The following DRC4 variants were observed in gnomAD, a reference collection of about 807,000 sequenced individuals.
DRC4 encodes the protein dynein regulatory complex subunit 4.
the DRC4 span, among the ~76,000 whole-genome samples, chr16:90,023,288 C>G: frequency 5.3e-5 from 8 of 152,198 alleles, no homozygotes; most frequent in Admixed American, 2.6e-4. Flanking sequence ...ATACAGGAAC[C>G]ACTGTTCCCT....
At chr16:90,025,059 C>T in the DRC4 span, among the ~76,000 whole-genome samples, 2 of 150,074 alleles carry the variant, frequency 1.3e-5, no homozygotes, top group Non-Finnish European at 3.0e-5. Context: ...CCCTGTCACC[C>T]AGGCTGGAGT....
At chr16:90,034,559 T>C in the DRC4 span, among the ~76,000 whole-genome samples, 12 of 151,938 alleles carry the variant, frequency 7.9e-5, 1 homozygote, top group Admixed American at 7.2e-4. Context: ...GAGACGGAGG[T>C]TGCGGTGAGC....
chr16:90,020,550 T>G, the DRC4 span, among the ~76,000 whole-genome samples: 1 of 152,240 alleles, frequency 6.6e-6, no homozygotes. Context: ...CTGCACAGCT[T>G]GACACTGAAT....
chr16:90,044,111 C>T, the DRC4 span: 4 of 450,596 alleles, frequency 8.9e-6, no homozygotes, highest in Non-Finnish European at 1.8e-5. Context: ...GAACCTTCCG[C>T]ACCAGAGGGA....
the DRC4 span, chr16:90,019,661 G>A: frequency 8.3e-5 from 37 of 446,646 alleles, no homozygotes; most frequent in African/African-American, 6.8e-4. The surrounding 1 kb of genome is among the most constrained non-coding windows in gnomAD (Gnocchi z 6.1). Context: ...CCCCGCCGCG[G>A]ACACCACCGG....
the DRC4 span, chr16:90,042,411 G>A: frequency 2.6e-5 from 38 of 1,475,546 alleles, no homozygotes; most frequent in African/African-American, 9.7e-5. Flanking sequence ...TCCCCAGGCC[G>A]CTCCCGTTGC....
At chr16:90,036,291 G>A in the DRC4 span, 21 of 1,175,542 alleles carry the variant, frequency 1.8e-5, no homozygotes, top group Admixed American at 9.0e-5. Flanking sequence ...CACAGTGGGC[G>A]TTTTGGGCCC....
At chr16:90,044,535 C>G in the DRC4 span, 1 of 471,258 alleles carries the variant, frequency 2.1e-6, no homozygotes, top group Non-Finnish European at 4.4e-6. Context: ...CCTGCCCCCT[C>G]TTCCTCCAGT....
chr16:90,029,263 G>A, the DRC4 span: 6 of 1,367,048 alleles, frequency 4.4e-6, no homozygotes, highest in Non-Finnish European at 5.9e-6. Flanking sequence ...AGACTCAGAA[G>A]GCTTCTTCAG....
At chr16:90,043,361 G>A in the DRC4 span, 4 of 1,599,752 alleles carry the variant, frequency 2.5e-6, no homozygotes, top group African/African-American at 1.3e-5. Flanking sequence ...CCCCTGGGGG[G>A]CCACAGCCCA....
chr16:90,022,029 G>A, the DRC4 span: 66,130 of 151,938 alleles, frequency 0.44, 15,033 homozygotes, highest in East Asian at 0.79. Context: ...GAAAGTGGCA[G>A]CTGTTTGTTT....
At chr16:90,022,751 G>A in the DRC4 span, 4 of 1,387,380 alleles carry the variant, frequency 2.9e-6, no homozygotes, top group Non-Finnish European at 3.8e-6. Flanking sequence ...GCGGGGCTGG[G>A]GTCCTCGGCA....
At chr16:90,043,612 A>G in the DRC4 span, 1 of 605,640 alleles carries the variant, frequency 1.7e-6, no homozygotes, top group Non-Finnish European at 3.1e-6. Context: ...CTCCGACCAC[A>G]GTCGGCGGCA....
the DRC4 span, chr16:90,043,475 T>G: frequency 1.1e-6 from 1 of 943,920 alleles, no homozygotes; most frequent in African/African-American, 1.7e-5. Flanking sequence ...CACATGTTCT[T>G]GCCATCCTCT....
At chr16:90,040,375 A>G in the DRC4 span, 1 of 1,610,682 alleles carries the variant, frequency 6.2e-7, no homozygotes, top group Non-Finnish European at 8.5e-7. Flanking sequence ...GACAGGGTTC[A>G]AGAACCTCGT....
the DRC4 span, among the ~76,000 whole-genome samples, chr16:90,032,078 A>G: frequency 6.8e-6 from 1 of 147,250 alleles, no homozygotes; most frequent in East Asian, 2.0e-4. Flanking sequence ...TGTGTACGGG[A>G]ATTTACAGGT....
At chr16:90,022,127 G>A in the DRC4 span, 2 of 152,198 alleles carry the variant, frequency 1.3e-5, no homozygotes, top group African/African-American at 2.4e-5. Context: ...GTTTATTTTT[G>A]TGAAAGGAAT....
chr16:90,027,725 G>C, the DRC4 span: 1 of 1,614,046 alleles, frequency 6.2e-7, no homozygotes, highest in Non-Finnish European at 8.5e-7. Context: ...AGGAGCAGGT[G>C]AGCAGAGCGG....
chr16:90,039,078 TA>T, the DRC4 span, among the ~76,000 whole-genome samples: 1 of 152,238 alleles, frequency 6.6e-6, no homozygotes, highest in African/African-American at 2.4e-5. Flanking sequence ...CGTGCATTGC[TA>T]GGCTGTGCCA....
Sources: allele counts gnomAD v4.1 joint callset (sites outside exome capture counted in the v4.1 genomes callset), GRCh38; gene constraint gnomAD v4.1.1; non-coding constraint Gnocchi (gnomAD v3.1); transcripts MANE v1.5; gene names NCBI Gene and HGNC (gene_info 2026-07-23, HGNC 2026-07-21).